Variants in STXBP5L observed in about 807,000 individuals in gnomAD.
STXBP5L encodes the protein syntaxin-binding protein 5-like.
STXBP5L carries 65 observed loss-of-function variants against 144.5 expected under a neutral mutation model. The observed-to-expected ratio is 0.45, with a 90% CI of 0.37 to 0.55. The LOEUF (loss-of-function observed/expected upper bound fraction) is 0.55. Ranked by LOEUF, STXBP5L falls within the 20% of genes least tolerant of loss-of-function variation. The pLI is 0.00. For synonymous variants in STXBP5L, 505 were observed against 469.6 expected, an observed-to-expected ratio of 1.08 and a Z score of -0.97; for missense variants, 1,298 against 1,405.5, an observed-to-expected ratio of 0.92 and a Z score of 1.22.
Position 121,205,969 on chromosome 3 carries a change from T to C in STXBP5L, c.924T>C (p.Ile308=). 6.6e-7 allele frequency: 1 copy of C among 1,519,732 alleles called. No individual in the cohort carries two copies. The highest frequency in any genetic ancestry group is 8.8e-7 in the Non-Finnish European group (1 of 1,139,546). 94.1% of individuals were successfully genotyped at this position (1,519,732 alleles called of 1,614,324 possible). Residue 308 remains isoleucine, a synonymous_variant, in exon 10 of 27, where the codon ATT becomes ATC. Transcript: ENST00000471454. ...GAAAATCTGAATCTTGTAAACCAATTCTTAAAGTAGAATACAAGACCTGCA... is the reference window on the plus strand; with the variant it reads ...GAAAATCTGAATCTTGTAAACCAATCCTTAAAGTAGAATACAAGACCTGCA... ...EGRKSESCKP[I]LKVEYKTCKN... is the part of the protein sequence containing the mutation.
intron 5 of STXBP5L, among the ~76,000 whole-genome samples, chr3:121,103,284 C>T (rs2043523016): frequency 6.6e-6 from 1 of 152,152 alleles, no homozygotes; most frequent in Non-Finnish European, 1.5e-5. Flanking sequence ...GACATGGAAT[C>T]AACCCAGGTG....
intron 22 of STXBP5L, among the ~76,000 whole-genome samples, chr3:121,401,802 C>T (rs1357830325): frequency 1.5e-5 from 2 of 131,390 alleles, no homozygotes; most frequent in Non-Finnish European, 3.2e-5. Context: ...CTAGATGACA[C>T]GTTAGTGGGT....
chr3:120,973,483 G>T (rs1381830943), intron 3 of STXBP5L, among the ~76,000 whole-genome samples: 3 of 151,616 alleles, frequency 2.0e-5, no homozygotes, highest in Non-Finnish European at 4.4e-5. Flanking sequence ...GGTTAATCTA[G>T]CTAGCAGTCT....
chr3:121,115,145 A>G, intron 6 of STXBP5L, 86 bp downstream of exon 6: 1 of 1,263,218 alleles, frequency 7.9e-7, no homozygotes, highest in South Asian at 1.5e-5. Context: ...GTTATTTGAT[A>G]CGTCTATTAC....
chr3:121,414,030 T>A (rs1436251927), intron 24 of STXBP5L, among the ~76,000 whole-genome samples: 1 of 152,184 alleles, frequency 6.6e-6, no homozygotes, highest in African/African-American at 2.4e-5. Context: ...TGGAGCATTG[T>A]TGTCAGAATT....
rs569584673 is a variant in STXBP5L, at chr3:121,315,579, C to G, written c.2111-2896C>G. Among the ~76,000 whole-genome samples, 7 of 151,758 alleles carry G rather than the reference C, an allele frequency of 4.6e-5. No homozygotes were observed. The South Asian group carries it at 1.5e-3, about 32-fold the overall frequency. Reference sequence around the variant, plus strand: ...AGCATACCAGCATGGCACATGTATACATATGTAACTAACCTTCACATTGTA... The same window carrying G: ...AGCATACCAGCATGGCACATGTATAGATATGTAACTAACCTTCACATTGTA... On this transcript the variant is annotated intron_variant, in intron 19 of 26. Coordinates refer to ENST00000471454, the MANE Select transcript of STXBP5L (RefSeq NM_001308330.2).
chr3:121,372,741 T>C (rs1282443198), intron 20 of STXBP5L, among the ~76,000 whole-genome samples: 1 of 151,972 alleles, frequency 6.6e-6, no homozygotes, highest in Non-Finnish European at 1.5e-5. Flanking sequence ...AGTATCCTGG[T>C]CTCTTGGTGG....
chr3:120,925,217 A>C (rs1437789361), intron 2 of STXBP5L: 1 of 152,168 alleles, frequency 6.6e-6, no homozygotes, highest in Non-Finnish European at 1.5e-5. Flanking sequence ...CAATGTCCAC[A>C]CTTCTGGAGG....
intron 20 of STXBP5L, among the ~76,000 whole-genome samples, chr3:121,339,878 A>G (rs2044644283): frequency 1.3e-5 from 2 of 152,028 alleles, no homozygotes; most frequent in Non-Finnish European, 2.9e-5. Flanking sequence ...AAGGAGGACT[A>G]CAAAACACCA....
chr3:121,383,386 G>C (rs1410409281), intron 22 of STXBP5L, among the ~76,000 whole-genome samples: 1 of 151,926 alleles, frequency 6.6e-6, no homozygotes, highest in Non-Finnish European at 1.5e-5. Flanking sequence ...GACAGAGTGA[G>C]ACTCCATCTC....
intron 20 of STXBP5L, among the ~76,000 whole-genome samples, chr3:121,359,159 C>G (rs374799172): frequency 1.5e-4 from 23 of 152,130 alleles, no homozygotes; most frequent in African/African-American, 5.5e-4. Flanking sequence ...TTAACTTAAG[C>G]GAGATGATAT....
chr3:121,279,351 T>G (rs1433362534), intron 18 of STXBP5L, among the ~76,000 whole-genome samples: 1 of 151,962 alleles, frequency 6.6e-6, no homozygotes, highest in African/African-American at 2.4e-5. Flanking sequence ...GAAGTTAATT[T>G]TTATTTTTCT....
intron 2 of STXBP5L, among the ~76,000 whole-genome samples, chr3:120,929,113 A>G (rs1321686216): frequency 1.3e-5 from 2 of 152,138 alleles, no homozygotes; most frequent in Non-Finnish European, 2.9e-5. Context: ...TTTGGGAAGC[A>G]TATTTGGCTT....
At position 121,311,936 on chromosome 3, in the gene STXBP5L, C is replaced by T. The variant is rs537947377; in HGVS notation, c.2111-6539C>T. 1.4e-3 allele frequency among the ~76,000 whole-genome samples: 220 copies of T among 152,340 alleles called. 1 individual carries two copies. The highest frequency in any genetic ancestry group is 4.9e-3 in the African/African-American group (205 of 41,578). On this transcript the variant is annotated intron_variant, in intron 19 of 26. Transcript: ENST00000471454. ...CTGGAGGCATCAAGCTACCGGACTTCAAACTATACTACAAGGCTAGAGTAA... is the reference window on the plus strand; with the variant it reads ...CTGGAGGCATCAAGCTACCGGACTTTAAACTATACTACAAGGCTAGAGTAA...
chr3:121,364,675 A>T (rs987886251), intron 20 of STXBP5L, among the ~76,000 whole-genome samples: 1 of 151,996 alleles, frequency 6.6e-6, no homozygotes, highest in Non-Finnish European at 1.5e-5. Context: ...TTCCTTGGTT[A>T]AATTAATTCT....
chr3:121,083,875 A>G (rs1276533224), intron 5 of STXBP5L, among the ~76,000 whole-genome samples: 1 of 151,928 alleles, frequency 6.6e-6, no homozygotes, highest in Non-Finnish European at 1.5e-5. Flanking sequence ...TAAGTTGTTA[A>G]ATGTATTTGT....
chr3:121,236,280 T>C (rs1282408492), intron 12 of STXBP5L, among the ~76,000 whole-genome samples: 1 of 152,196 alleles, frequency 6.6e-6, no homozygotes, highest in Non-Finnish European at 1.5e-5. Flanking sequence ...GCAAAAAAAT[T>C]TAAAAGTTTC....
intron 6 of STXBP5L, among the ~76,000 whole-genome samples, chr3:121,121,401 A>T (rs2044456120): frequency 6.6e-6 from 1 of 151,312 alleles, no homozygotes; most frequent in Non-Finnish European, 1.5e-5. Context: ...CCCCATTGTT[A>T]TTAGGATCTT....
chr3:121,036,792 T>TTTC (rs1560036706), intron 3 of STXBP5L, among the ~76,000 whole-genome samples: 1 of 116,066 alleles, frequency 8.6e-6, no homozygotes, highest in Non-Finnish European at 1.7e-5. Flanking sequence ...TTTTTTTTTT[T>TTTC]ATTATACTCT....
Sources: allele counts gnomAD v4.1 joint callset (sites outside exome capture counted in the v4.1 genomes callset), GRCh38; gene constraint gnomAD v4.1.1; transcripts MANE v1.5; gene names NCBI Gene and HGNC (gene_info 2026-07-23, HGNC 2026-07-21).